Variants in FAM227B observed in about 807,000 individuals in gnomAD.
FAM227B encodes the protein family with sequence similarity 227 member B.
In FAM227B, 88 loss-of-function variants were observed where a neutral mutation model predicts 73.8. The observed-to-expected ratio is 1.19, with a 90% CI of 1.00 to 1.42. FAM227B has a LOEUF of 1.42. Among genes scored for constraint, FAM227B ranks in the 40% most tolerant of loss-of-function variants. The pLI is 0.00. For missense variants in FAM227B, 632 were observed against 590.9 expected (o/e 1.07, Z -0.72); for synonymous variants, 210 against 190.5 (o/e 1.10, Z -0.84).
At chr15:49,430,868 G>A (rs2050551041) in intron 11 of FAM227B, among the ~76,000 whole-genome samples, 1 of 151,842 alleles carries the variant, frequency 6.6e-6, no homozygotes, top group African/African-American at 2.4e-5. Context: ...ATGAGTTTTG[G>A]AGAGGACATT....
At chr15:49,611,331 C>T in intron 2 of FAM227B, 63 bp from the exon 3 acceptor site, 1 of 817,332 alleles carries the variant, frequency 1.2e-6, no homozygotes, top group Non-Finnish European at 1.9e-6. Flanking sequence ...ATAATATTTA[C>T]AAATAATTTA....
At chr15:49,535,514 C>T (rs8043507) in intron 10 of FAM227B, among the ~76,000 whole-genome samples, 47,983 of 151,536 alleles carry the variant, frequency 0.32, 8,183 homozygotes, top group African/African-American at 0.42. Context: ...TTAATATCAA[C>T]ACTCTTTAAA....
At chr15:49,459,656 A>G (rs7170426) in intron 11 of FAM227B, among the ~76,000 whole-genome samples, 49,281 of 151,964 alleles carry the variant, frequency 0.32, 8,705 homozygotes, top group African/African-American at 0.45. Context: ...TAGTATTTCT[A>G]TAGTTCTCTA....
intron 13 of FAM227B, among the ~76,000 whole-genome samples, chr15:49,349,989 T>C (rs560279056): frequency 6.6e-6 from 1 of 152,312 alleles, no homozygotes; most frequent in East Asian, 1.9e-4. Flanking sequence ...CTTTGTTGGA[T>C]GGATGAATAA....
intron 9 of FAM227B, among the ~76,000 whole-genome samples, chr15:49,550,321 G>T (rs1322844787): frequency 1.4e-5 from 2 of 147,980 alleles, no homozygotes; most frequent in African/African-American, 5.0e-5. Flanking sequence ...CGGGGCGGCT[G>T]GCCGGGCGGC....
chr15:49,550,180 T>A (rs1444285488), intron 9 of FAM227B, among the ~76,000 whole-genome samples: 1 of 105,496 alleles, frequency 9.5e-6, no homozygotes, highest in African/African-American at 3.8e-5. Flanking sequence ...ACCTCCCTCC[T>A]GGACGGGGTG....
intron 11 of FAM227B, among the ~76,000 whole-genome samples, chr15:49,449,239 T>G (rs889284569): frequency 2.6e-5 from 4 of 152,020 alleles, no homozygotes; most frequent in Non-Finnish European, 4.4e-5. Flanking sequence ...GCTCCTAGTA[T>G]TTATTGCTAG....
chr15:49,595,919 G>A (rs2153282666), intron 3 of FAM227B, among the ~76,000 whole-genome samples: 1 of 150,444 alleles, frequency 6.6e-6, no homozygotes, highest in South Asian at 2.1e-4. Flanking sequence ...CAAAGACAAA[G>A]GAAAAATAAT....
intron 7 of FAM227B, among the ~76,000 whole-genome samples, chr15:49,575,831 A>G (rs977771345): frequency 2.6e-5 from 4 of 152,218 alleles, no homozygotes; most frequent in African/African-American, 7.2e-5. Context: ...CAATTAATCA[A>G]AATTGGAATA....
intron 14 of FAM227B, among the ~76,000 whole-genome samples, chr15:49,333,382 A>G (rs2039154374): frequency 6.6e-6 from 1 of 152,194 alleles, no homozygotes; most frequent in Non-Finnish European, 1.5e-5. Context: ...GTATGTTTCA[A>G]CAATGTGCCA....
chr15:49,462,660 G>A (rs2053911306), intron 11 of FAM227B, among the ~76,000 whole-genome samples: 1 of 152,130 alleles, frequency 6.6e-6, no homozygotes, highest in South Asian at 2.1e-4. Flanking sequence ...ACTCACTGTT[G>A]CTCACAGATT....
chr15:49,335,499 G>T lies in FAM227B; in HGVS notation c.1272-3C>A. On this transcript the variant is annotated splice_region_variant and splice_polypyrimidine_tract_variant and intron_variant, in intron 13 of 15. Coordinates refer to ENST00000299338, the MANE Select transcript of FAM227B (RefSeq NM_152647.3). ...CACGGTATGTTGGAGCAGGTAGTGTGCTAGGCTTATTATTAAGGAATGATT... is the reference window on the plus strand; with the variant it reads ...CACGGTATGTTGGAGCAGGTAGTGTTCTAGGCTTATTATTAAGGAATGATT... The T allele has an allele frequency of 6.2e-7, 1 of 1,609,478 alleles. No individual in the cohort carries two copies. Among genetic ancestry groups the T allele is most frequent in the Non-Finnish European group, 8.5e-7 (1 of 1,176,134 alleles).
intron 11 of FAM227B, among the ~76,000 whole-genome samples, chr15:49,417,807 A>G (rs960075174): frequency 5.9e-5 from 9 of 152,214 alleles, no homozygotes; most frequent in African/African-American, 2.2e-4. Flanking sequence ...CAACAAAAGC[A>G]AAAATTGACA....
chr15:49,518,399 T>C (rs1424303133), intron 10 of FAM227B, among the ~76,000 whole-genome samples: 2 of 152,170 alleles, frequency 1.3e-5, no homozygotes, highest in African/African-American at 4.8e-5. Context: ...AAGGGAATTA[T>C]GCTCAAAACT....
chr15:49,529,659 C>A (rs181805556), intron 10 of FAM227B, among the ~76,000 whole-genome samples: 2 of 151,710 alleles, frequency 1.3e-5, no homozygotes, highest in Admixed American at 6.6e-5. Flanking sequence ...AGTGCAATAT[C>A]ACACTAGGAT....
intron 9 of FAM227B, among the ~76,000 whole-genome samples, chr15:49,552,206 G>C (rs902678801): frequency 6.6e-6 from 1 of 152,112 alleles, no homozygotes. Flanking sequence ...TTTTGTGTGG[G>C]AATATCTTTA....
chr15:49,591,020 CTTT>C (rs913958003), intron 3 of FAM227B, among the ~76,000 whole-genome samples: 4 of 106,900 alleles, frequency 3.7e-5, no homozygotes, highest in East Asian at 7.4e-4. Flanking sequence ...TTCTCTTTCT[CTTT>C]TTTTTGTTTT....
At chr15:49,463,588 A>G (rs2054000545) in intron 11 of FAM227B, among the ~76,000 whole-genome samples, 1 of 151,018 alleles carries the variant, frequency 6.6e-6, no homozygotes, top group East Asian at 1.9e-4. Context: ...AACTAGCTGC[A>G]TAAGTTCTTA....
intron 11 of FAM227B, among the ~76,000 whole-genome samples, chr15:49,472,494 T>A (rs1265033210): frequency 6.6e-6 from 1 of 152,176 alleles, no homozygotes; most frequent in Non-Finnish European, 1.5e-5. Flanking sequence ...CATGGCCACA[T>A]TAAGCTGCAA....
Sources: gnomAD v4.1 joint callset for allele counts (sites outside exome capture counted in the v4.1 genomes callset) on GRCh38, gnomAD v4.1.1 for gene constraint, MANE v1.5 for transcripts, NCBI Gene and HGNC (gene_info 2026-07-23, HGNC 2026-07-21) for gene names.